The following NUP210L variants were observed in gnomAD, a reference collection of about 807,000 sequenced individuals.
NUP210L encodes nucleoporin 210 like, also known as nuclear pore membrane glycoprotein 210-like.
NUP210L carries 74 observed loss-of-function variants against 208.5 expected under a neutral mutation model. The observed-to-expected ratio is 0.35, with a 90% CI of 0.29 to 0.43. The LOEUF is 0.43. Among genes scored for constraint, NUP210L ranks in the 20% least tolerant of loss-of-function variants. The pLI is 1.00. For synonymous variants in NUP210L, 780 were observed against 816.9 expected (o/e 0.95, Z 0.77); for missense variants, 1,843 against 2,289.4 (o/e 0.81, Z 3.98).
intron 3 of NUP210L, among the ~76,000 whole-genome samples, chr1:154,142,291 G>A (rs1350338818): frequency 6.6e-6 from 1 of 151,694 alleles, no homozygotes; most frequent in Non-Finnish European, 1.5e-5. Context: ...TGGCCTCACA[G>A]GATACTTCAA....
intron 16 of NUP210L, among the ~76,000 whole-genome samples, chr1:154,074,488 A>ATTTT (rs113689298): frequency 7.9e-6 from 1 of 125,792 alleles, no homozygotes; most frequent in African/African-American, 2.9e-5. Flanking sequence ...TGGGATCACG[A>ATTTT]TTTTTTTTTT....
intron 16 of NUP210L, chr1:154,079,472 T>A (rs894326732): frequency 6.6e-6 from 1 of 152,086 alleles, no homozygotes; most frequent in Non-Finnish European, 1.5e-5. Flanking sequence ...AAGGCTCAGC[T>A]AAGGGAGTTG....
intron 37 of NUP210L, among the ~76,000 whole-genome samples, chr1:153,997,700 T>G (rs1649976960): frequency 6.8e-6 from 1 of 147,958 alleles, no homozygotes; most frequent in Admixed American, 6.7e-5. Context: ...TTTGTTTTTT[T>G]TTTTTTTTTT....
intron 16 of NUP210L, among the ~76,000 whole-genome samples, chr1:154,085,747 C>G (rs1467445522): frequency 6.6e-6 from 1 of 152,310 alleles, no homozygotes; most frequent in Non-Finnish European, 1.5e-5. Flanking sequence ...GTGATCAAGA[C>G]AGTGTGGTAC....
intron 3 of NUP210L, among the ~76,000 whole-genome samples, chr1:154,142,357 A>AT (rs1012394042): frequency 6.3e-4 from 94 of 150,252 alleles, no homozygotes; most frequent in African/African-American, 1.9e-3. Flanking sequence ...TCCCACCTAA[A>AT]TTTTTTTTTT....
At chr1:154,110,616 T>C (rs1020980212) in intron 12 of NUP210L, among the ~76,000 whole-genome samples, 3 of 151,552 alleles carry the variant, frequency 2.0e-5, no homozygotes, top group Non-Finnish European at 4.4e-5. Context: ...CAGTGGTTCA[T>C]GCCTGTAATC....
chr1:154,018,560 T>C (rs1412633584), intron 33 of NUP210L, among the ~76,000 whole-genome samples: 1 of 152,192 alleles, frequency 6.6e-6, no homozygotes, highest in Admixed American at 6.6e-5. Flanking sequence ...GGAAACTCTA[T>C]TGGCTCTACC....
At chr1:154,030,573 C>T (rs1258954066) in intron 27 of NUP210L, among the ~76,000 whole-genome samples, 1 of 152,014 alleles carries the variant, frequency 6.6e-6, no homozygotes, top group Non-Finnish European at 1.5e-5. Flanking sequence ...GCTGGGATTA[C>T]AGTTAATTTT....
At chr1:154,094,074 G>A (rs1374785646) in intron 15 of NUP210L, among the ~76,000 whole-genome samples, 1 of 152,114 alleles carries the variant, frequency 6.6e-6, no homozygotes, top group Non-Finnish European at 1.5e-5. Context: ...ACAAGGTCAG[G>A]AGTTTGAGAC....
chr1:154,130,576 A>ATTTT (rs765115829), intron 7 of NUP210L, among the ~76,000 whole-genome samples: 5 of 98,942 alleles, frequency 5.1e-5, no homozygotes, highest in Middle Eastern at 7.8e-3. Flanking sequence ...CCTGGCCCCA[A>ATTTT]TTTTTTTTTT....
intron 16 of NUP210L, chr1:154,079,840 T>C (rs1234312354): frequency 1.3e-5 from 2 of 152,300 alleles, no homozygotes; most frequent in Non-Finnish European, 2.9e-5. Context: ...AGTGGGCTCA[T>C]AAAGGTTCAT....
At chr1:154,061,154 G>A in intron 18 of NUP210L, 108 bp from the exon 19 acceptor site, 1 of 693,148 alleles carries the variant, frequency 1.4e-6, no homozygotes, top group South Asian at 1.7e-5. Context: ...AAGGCAGGCA[G>A]ATCACCTGAG....
intron 37 of NUP210L, among the ~76,000 whole-genome samples, chr1:153,995,419 A>G (rs1247130754): frequency 1.3e-5 from 2 of 152,210 alleles, no homozygotes; most frequent in Admixed American, 6.5e-5. Flanking sequence ...CAGCCTTCTT[A>G]GTAAGAGAGA....
intron 29 of NUP210L, among the ~76,000 whole-genome samples, chr1:154,026,054 C>G (rs1651858932): frequency 6.7e-6 from 1 of 149,506 alleles, no homozygotes; most frequent in Non-Finnish European, 1.5e-5. Context: ...GAAACCCCGT[C>G]TTTACTAAAA....
At chr1:154,114,265 C>T (rs1182570753) in intron 12 of NUP210L, among the ~76,000 whole-genome samples, 1 of 152,036 alleles carries the variant, frequency 6.6e-6, no homozygotes, top group Non-Finnish European at 1.5e-5. Flanking sequence ...TGCATTGAAC[C>T]TGGGCAACAG....
chr1:154,141,826 C>T (rs1658864635), intron 3 of NUP210L, among the ~76,000 whole-genome samples: 1 of 152,156 alleles, frequency 6.6e-6, no homozygotes, highest in South Asian at 2.1e-4. Context: ...TCATGGTTGA[C>T]AAAGCATCCT....
exon 14 of NUP210L, chr1:154,100,132 G>A: frequency 1.2e-6 from 2 of 1,614,026 alleles, no homozygotes; most frequent in African/African-American, 1.3e-5. Flanking sequence ...ATTGGTCCAG[G>A]TCTTTGAATA....
intron 31 of NUP210L, among the ~76,000 whole-genome samples, chr1:154,022,862 A>C (rs1651645644): frequency 6.6e-6 from 1 of 151,284 alleles, no homozygotes; most frequent in Admixed American, 6.6e-5. Flanking sequence ...ATTTTTGTAG[A>C]GATGGGGTTT....
intron 7 of NUP210L, among the ~76,000 whole-genome samples, chr1:154,134,478 C>T (rs1658420206): frequency 6.8e-6 from 1 of 147,384 alleles, no homozygotes; most frequent in South Asian, 2.1e-4. Flanking sequence ...TGGCTCACGC[C>T]TGTAATCCCA....
Sources: gnomAD v4.1 joint callset for allele counts (sites outside exome capture counted in the v4.1 genomes callset) on GRCh38, gnomAD v4.1.1 for gene constraint, MANE v1.5 for transcripts, NCBI Gene and HGNC (gene_info 2026-07-23, HGNC 2026-07-21) for gene names.